TRIOBP: variants seen among roughly 807,000 people sequenced by gnomAD.
The protein encoded by TRIOBP is TRIO and F-actin binding protein.
In TRIOBP, 169 loss-of-function variants were observed where a neutral mutation model predicts 238.8. That is an observed-to-expected ratio of 0.71 (90% confidence interval 0.62 to 0.80). The LOEUF is 0.80. TRIOBP is among the 30% of genes least tolerant of loss of function. The probability of loss-of-function intolerance (pLI) is 0.00; values close to 1 mark genes in which losing one functional copy is unlikely to be tolerated. For missense variants in TRIOBP, 2,838 were observed against 3,122.6 expected, an observed-to-expected ratio of 0.91 and a Z score of 2.17; for synonymous variants, 1,150 against 1,274.4, an observed-to-expected ratio of 0.90 and a Z score of 2.08.
intron 11 of TRIOBP, chr22:37,746,245 G>A (rs1925246201): frequency 9.2e-7 from 1 of 1,090,438 alleles, no homozygotes; most frequent in Non-Finnish European, 1.1e-6. Context: ...TTTATGGGCG[G>A]ATGGAAGGGG....
intron 3 of TRIOBP, among the ~76,000 whole-genome samples, chr22:37,709,706 C>T (rs1181480130): frequency 1.3e-5 from 2 of 152,176 alleles, no homozygotes; most frequent in African/African-American, 4.8e-5. Flanking sequence ...GGTGAGCAGC[C>T]GTTCCCCCCT....
rs933289516 is a variant in TRIOBP at position 37,714,353 on chromosome 22, C to G, written c.456+942C>G. Among the ~76,000 whole-genome samples, 7 of 152,316 alleles carry G rather than the reference C, an allele frequency of 4.6e-5. No homozygotes were observed. The East Asian group carries it at 1.3e-3, about 29-fold the overall frequency. On this transcript the variant is annotated intron_variant, in intron 5 of 23. Transcript: ENST00000644935. ...AGAGCCCAGCACAGTGCCAGGCAAA[C>G]AGCACATGCTTTTAATTTAATTGAT... is the stretch of plus-strand genomic sequence containing the variant.
rs758316848 is a variant in TRIOBP at position 37,746,228 on chromosome 22, A to AAAG, written c.5322+5198_5322+5199insGAA. The AAAG allele has an allele frequency of 8.5e-4, 930 of 1,094,446 alleles. 11 individuals are homozygous for AAAG. In the African/African-American group the frequency reaches 0.014, roughly 17 times the overall value. 67.8% of individuals were successfully genotyped at this position (1,094,446 alleles called of 1,614,324 possible). A position where few individuals can be genotyped will look rare whatever the true frequency, so the allele number is the denominator to read the frequency against. Reference sequence around the variant, plus strand: ...CCCAGGAAGTTTGAAAAAAAAAAAAAAAAAGTTTTATGGGCGGATGGAAGG... The same window carrying AAAG: ...CCCAGGAAGTTTGAAAAAAAAAAAAAAAGAAAAGTTTTATGGGCGGATGGAAGG... On this transcript the variant is annotated intron_variant, in intron 11 of 23. Coordinates refer to ENST00000644935, the MANE Select transcript of TRIOBP (RefSeq NM_001039141.3).
At chr22:37,755,259 G>T in intron 14 of TRIOBP, 69 bp downstream of exon 14, 1 of 1,495,966 alleles carries the variant, frequency 6.7e-7, no homozygotes, top group Admixed American at 1.9e-5. Context: ...GGAGGTTTTG[G>T]TGTTGAACAT....
At chr22:37,708,017 C>T (rs1223456930) in intron 3 of TRIOBP, among the ~76,000 whole-genome samples, 9 of 150,138 alleles carry the variant, frequency 6.0e-5, no homozygotes, top group African/African-American at 1.7e-4. Flanking sequence ...GAGGCCGAGG[C>T]GGGCGGATCA....
chr22:37,706,527 C>T (rs1922951107), intron 3 of TRIOBP, among the ~76,000 whole-genome samples: 2 of 152,068 alleles, frequency 1.3e-5, no homozygotes, highest in African/African-American at 4.8e-5. Context: ...ACAATGGCTC[C>T]CGCCTGTGAT....
intron 17 of TRIOBP, among the ~76,000 whole-genome samples, chr22:37,760,935 G>A (rs958369093): frequency 2.0e-5 from 3 of 150,332 alleles, no homozygotes; most frequent in Non-Finnish European, 4.4e-5. Context: ...TTGCGCCACG[G>A]CACTCCAGCC....
At position 37,715,776 on chromosome 22, in the gene TRIOBP, T is replaced by G; in HGVS notation, c.470T>G (p.Val157Gly). 1 of 1,614,014 alleles carries G rather than the reference T, an allele frequency of 6.2e-7. No individual in the cohort carries two copies. The highest frequency in any genetic ancestry group is 2.2e-5 in the East Asian group (1 of 44,890). The change falls in exon 6 of 24, where the codon GTT becomes GGT. Residue 157 changes from valine (V) to glycine (G), a missense_variant. Coordinates refer to ENST00000644935, the MANE Select transcript of TRIOBP (RefSeq NM_001039141.3). ...SNSSSVDWDT[V>G]ERQEEEAPSW... Reference sequence around the variant, plus strand: ...CTTCTCTGGCAGGACTGGGACACTGTTGAGAGGCAGGAGGAGGAGGCCCCC... The same window carrying G: ...CTTCTCTGGCAGGACTGGGACACTGGTGAGAGGCAGGAGGAGGAGGCCCCC...
rs557672440 is a variant in TRIOBP at position 37,750,249 on chromosome 22, C to T, written c.5323-1523C>T. ...CAGCTTGTCATTCCTGCCCCAATCT[C>T]CCAGCCCTGGCCCAGGGACTTTCGC... On this transcript the variant is annotated intron_variant, in intron 11 of 23. Transcript: ENST00000644935. Among the ~76,000 whole-genome samples the T allele has an allele frequency of 9.8e-5, 15 of 152,356 alleles. No homozygotes were observed. In the South Asian group the frequency reaches 3.1e-3, roughly 32 times the overall value.
chr22:37,769,048 A>T lies in TRIOBP; in HGVS notation c.6596A>T (p.Lys2199Met). 6.2e-7 allele frequency: 1 copy of T among 1,613,448 alleles called. No homozygotes were observed. Among genetic ancestry groups the T allele is most frequent in the Non-Finnish European group, 8.5e-7 (1 of 1,180,020 alleles). The change falls in exon 20 of 24, where the codon AAG becomes ATG. Residue 2199 changes from lysine (K) to methionine (M), a missense_variant. This residue lies in a region of TRIOBP where 2,096 missense variants were observed against 2,137.4 expected (regional missense o/e 0.98). Coordinates refer to ENST00000644935, the MANE Select transcript of TRIOBP (RefSeq NM_001039141.3). ...GGCAGGTCAGATGTGGAGGCACTGA[A>T]GCGAGAGCTGCAGGTGCTATCGGAG... ...KQHQSDVEAL[K>M]RELQVLSEQY...
At position 37,723,627 on chromosome 22, in the gene TRIOBP, T is replaced by G. The variant is rs772538737; in HGVS notation, c.1071T>G (p.Ser357=). 2 of 1,613,872 alleles carry G rather than the reference T, an allele frequency of 1.2e-6. No homozygotes were observed. The highest frequency in any genetic ancestry group is 1.7e-5 in the Admixed American group (1 of 59,998). ...CCCAACTGGATAACCCCAGAACCTCTTCTACCCAGCAGGACAACCCCCAAA... is the reference window on the plus strand; with the variant it reads ...CCCAACTGGATAACCCCAGAACCTCGTCTACCCAGCAGGACAACCCCCAAA... The part of the protein sequence containing the change: ...RSTQLDNPRT[S]STQQDNPQTS... The change falls in exon 7 of 24, where the codon TCT becomes TCG. Residue 357 remains serine, a synonymous_variant. Transcript: ENST00000644935.
intron 17 of TRIOBP, chr22:37,759,585 T>A: frequency 4.4e-6 from 7 of 1,581,940 alleles, no homozygotes; most frequent in Non-Finnish European, 6.0e-6. Context: ...CACTCTGCAC[T>A]TGGACCCTTG....
At chr22:37,710,836 C>T (rs1377284107) in intron 4 of TRIOBP, among the ~76,000 whole-genome samples, 4 of 152,202 alleles carry the variant, frequency 2.6e-5, no homozygotes, top group Non-Finnish European at 5.9e-5. Context: ...CCTGCCCACC[C>T]CATAACCTCC....
At chr22:37,703,242 C>T (rs1329274094) in intron 3 of TRIOBP, among the ~76,000 whole-genome samples, 4 of 151,956 alleles carry the variant, frequency 2.6e-5, no homozygotes, top group African/African-American at 4.8e-5. Flanking sequence ...GATCTGTCTG[C>T]CTCGGCTTCC....
rs766566356 is a variant in TRIOBP, at chr22:37,759,271, CCGGGGGG to C, written c.6324+9_6324+15del. The C allele has an allele frequency of 6.2e-7, 1 of 1,611,354 alleles. No homozygotes were observed. ...CCCGGGCTACATCTCACAGGTAAGGCCGGGGGGCTGTTTTTCAGGGGGAGGGGGCAGA... is the reference window on the plus strand; with the variant it reads ...CCCGGGCTACATCTCACAGGTAAGGCCTGTTTTTCAGGGGGAGGGGGCAGA... On this transcript the variant is annotated splice_region_variant and intron_variant, in intron 17 of 23. Coordinates refer to ENST00000644935, the MANE Select transcript of TRIOBP (RefSeq NM_001039141.3).
At chr22:37,721,717 G>C (rs888518330) in intron 6 of TRIOBP, among the ~76,000 whole-genome samples, 3 of 152,140 alleles carry the variant, frequency 2.0e-5, no homozygotes, top group African/African-American at 7.2e-5. Flanking sequence ...CTGAGCTCGA[G>C]TGATCCTCCC....
chr22:37,763,018 A>G (rs1926318299), intron 17 of TRIOBP, among the ~76,000 whole-genome samples: 2 of 152,106 alleles, frequency 1.3e-5, no homozygotes, highest in Non-Finnish European at 2.9e-5. Context: ...ACCTTGGGCC[A>G]CTCAGGAAGG....
Position 37,713,296 on chromosome 22 carries a change from A to T in TRIOBP, c.341A>T (p.Tyr114Phe). ...AGCCGGGAGCTTGAGGCAGTACCCTATCTGGAGGGCCTGACCACTTCCTTG... is the reference window on the plus strand; with the variant it reads ...AGCCGGGAGCTTGAGGCAGTACCCTTTCTGGAGGGCCTGACCACTTCCTTG... The part of the protein sequence containing the change: ...SRSRELEAVP[Y>F]LEGLTTSLCG... Residue 114 changes from tyrosine (Y) to phenylalanine (F), a missense_variant, in exon 5 of 24, where the codon TAT becomes TTT. This residue lies in a region of TRIOBP where 535 missense variants were observed against 537.3 expected (regional missense o/e 1.00). Transcript: ENST00000644935. The T allele has an allele frequency of 6.2e-7, 1 of 1,613,990 alleles. No homozygotes were observed. Among genetic ancestry groups the T allele is most frequent in the Non-Finnish European group, 8.5e-7 (1 of 1,179,894 alleles).
rs767348771 is a variant in TRIOBP, at chr22:37,724,915, A to G, written c.2359A>G (p.Thr787Ala). 6.3e-7 allele frequency: 1 copy of G among 1,588,276 alleles called. No homozygotes were observed. The highest frequency in any genetic ancestry group is 1.5e-5 in the African/African-American group (1 of 66,434). Residue 787 changes from threonine (T) to alanine (A), a missense_variant, in exon 7 of 24, where the codon ACA becomes GCA. By Grantham distance (58) the Thr-to-Ala change is moderately conservative. This residue lies in a region of TRIOBP where 2,096 missense variants were observed against 2,137.4 expected (regional missense o/e 0.98). Coordinates refer to ENST00000644935, the MANE Select transcript of TRIOBP (RefSeq NM_001039141.3). Reference sequence around the variant, plus strand: ...CAGGACCTCCTCTCCCAATAGAGCCACACGAGACAACCCCAGAACATCCTG... The same window carrying G: ...CAGGACCTCCTCTCCCAATAGAGCCGCACGAGACAACCCCAGAACATCCTG... The part of the protein sequence containing the change: ...NPRTSSPNRA[T>A]RDNPRTSCAQ...
Sources: allele counts gnomAD v4.1 joint callset (sites outside exome capture counted in the v4.1 genomes callset), GRCh38; gene constraint gnomAD v4.1.1; regional missense constraint gnomAD v4.1.1; transcripts MANE v1.5; gene names NCBI Gene and HGNC (gene_info 2026-07-23, HGNC 2026-07-21).